The following FUT9 variants were observed in gnomAD, a reference collection of about 807,000 sequenced individuals.
FUT9 encodes fucosyltransferase 9.
A neutral mutation model predicts 29.7 loss-of-function variants in FUT9; 15 were observed. The observed-to-expected ratio is 0.51, with a 90% CI of 0.34 to 0.78. FUT9 has a LOEUF of 0.78. FUT9 is among the 30% of genes least tolerant of loss of function. The probability of loss-of-function intolerance (pLI) is 0.01; values close to 1 mark genes in which losing one functional copy is unlikely to be tolerated. For synonymous variants in FUT9, 169 were observed against 153.7 expected (o/e 1.10, Z -0.74); for missense variants, 319 against 425.4 (o/e 0.75, Z 2.20).
intron 2 of FUT9, among the ~76,000 whole-genome samples, chr6:96,148,597 T>C (rs141086869): frequency 6.6e-6 from 1 of 152,280 alleles, no homozygotes; most frequent in Non-Finnish European, 1.5e-5. Context: ...TTCCAAAGCC[T>C]GGAGTGGCCC....
intron 1 of FUT9, among the ~76,000 whole-genome samples, chr6:96,030,566 A>G (rs1208869996): frequency 6.6e-6 from 1 of 151,520 alleles, no homozygotes; most frequent in Non-Finnish European, 1.5e-5. Flanking sequence ...AAACTGTTTA[A>G]TAGTTCCTTA....
At chr6:96,043,084 C>G (rs1770492825) in intron 1 of FUT9, among the ~76,000 whole-genome samples, 1 of 152,160 alleles carries the variant, frequency 6.6e-6, no homozygotes, top group Non-Finnish European at 1.5e-5. Flanking sequence ...TTTGGTCTCA[C>G]TCTGTCGCCC....
At chr6:96,173,968 A>G (rs1773159282) in intron 2 of FUT9, among the ~76,000 whole-genome samples, 1 of 152,138 alleles carries the variant, frequency 6.6e-6, no homozygotes, top group South Asian at 2.1e-4. Flanking sequence ...GTTTTTATAA[A>G]AAGGAATGTG....
At chr6:96,079,121 T>G (rs1246070440) in intron 1 of FUT9, among the ~76,000 whole-genome samples, 2 of 152,180 alleles carry the variant, frequency 1.3e-5, no homozygotes, top group African/African-American at 2.4e-5. Context: ...CACCATGTTT[T>G]AATTTCTCTT....
chr6:96,084,954 T>C (rs2127951907), intron 1 of FUT9, among the ~76,000 whole-genome samples: 1 of 152,292 alleles, frequency 6.6e-6, no homozygotes, highest in South Asian at 2.1e-4. Flanking sequence ...TGTCATAAAG[T>C]ATTGTTTTGT....
chr6:96,123,049 A>T (rs1772060238), intron 2 of FUT9, among the ~76,000 whole-genome samples: 1 of 125,886 alleles, frequency 7.9e-6, no homozygotes, highest in Non-Finnish European at 1.6e-5. Flanking sequence ...GACAGCCGCG[A>T]GACTCAGTCT....
intron 2 of FUT9, among the ~76,000 whole-genome samples, chr6:96,200,596 A>G (rs1773710954): frequency 6.6e-6 from 1 of 152,186 alleles, no homozygotes; most frequent in South Asian, 2.1e-4. Flanking sequence ...ACCTGATTAT[A>G]TTGAACTGAC....
At chr6:96,108,851 A>T (rs1241404691) in intron 1 of FUT9, among the ~76,000 whole-genome samples, 1 of 152,152 alleles carries the variant, frequency 6.6e-6, no homozygotes, top group East Asian at 1.9e-4. Context: ...CACACAGTTC[A>T]TTTGTACACA....
chr6:96,082,581 T>A (rs1045701023), intron 1 of FUT9, among the ~76,000 whole-genome samples: 6 of 151,956 alleles, frequency 3.9e-5, no homozygotes, highest in Non-Finnish European at 8.8e-5. Flanking sequence ...TTTCTTCATC[T>A]GATACTTGAG....
chr6:96,073,264 T>C (rs1311029723), intron 1 of FUT9, among the ~76,000 whole-genome samples: 2 of 151,778 alleles, frequency 1.3e-5, no homozygotes, highest in Non-Finnish European at 2.9e-5. Flanking sequence ...GCCTGGTCAA[T>C]ATGGTGAAAC....
chr6:96,058,795 GT>G, intron 1 of FUT9, among the ~76,000 whole-genome samples: 1 of 152,232 alleles, frequency 6.6e-6, no homozygotes, highest in Middle Eastern at 3.4e-3. Flanking sequence ...TTGGTTTATA[GT>G]GATGATATTA....
intron 1 of FUT9, among the ~76,000 whole-genome samples, chr6:96,067,976 TC>T (rs1770992142): frequency 6.6e-6 from 1 of 152,192 alleles, no homozygotes; most frequent in South Asian, 2.1e-4. Context: ...AATGAATGTT[TC>T]TTTTTTATTA....
At chr6:96,130,095 G>A (rs545067456) in intron 2 of FUT9, among the ~76,000 whole-genome samples, 27 of 152,112 alleles carry the variant, frequency 1.8e-4, no homozygotes, top group African/African-American at 4.8e-4. Context: ...GAGGGGGTAC[G>A]AATCTCAGCA....
At chr6:96,119,138 G>A (rs373994059) in intron 2 of FUT9, among the ~76,000 whole-genome samples, 129 of 152,256 alleles carry the variant, frequency 8.5e-4, no homozygotes, top group African/African-American at 2.8e-3. Context: ...CTACCGTAGT[G>A]TACAGTAATG....
At chr6:96,120,448 A>T (rs1288156137) in intron 2 of FUT9, among the ~76,000 whole-genome samples, 2 of 146,716 alleles carry the variant, frequency 1.4e-5, no homozygotes, top group South Asian at 2.2e-4. Flanking sequence ...TTTTTTTTTA[A>T]TTTTTTTTTT....
At position 96,209,708 on chromosome 6, in the gene FUT9, ATTTAC is replaced by A. The variant is rs1773898842; in HGVS notation, c.*5478_*5482del. ...TAGTTAACATATGTCCATGCATTTG[ATTTAC>A]TTTAAAAATATTTTATTTAAAAATA... On this transcript the variant is annotated 3_prime_UTR_variant, in exon 3 of 3. Coordinates refer to ENST00000302103, the MANE Select transcript of FUT9 (RefSeq NM_006581.4). 6.0e-6 allele frequency: 1 copy of A among 166,716 alleles called. No individual in the cohort carries two copies. Among genetic ancestry groups the A allele is most frequent in the African/African-American group, 2.4e-5 (1 of 41,418 alleles). 10.3% of individuals were successfully genotyped at this position (166,716 alleles called of 1,614,324 possible). A position where few individuals can be genotyped will look rare whatever the true frequency, so the allele number is the denominator to read the frequency against.
intron 1 of FUT9, among the ~76,000 whole-genome samples, chr6:96,103,170 T>G (rs1249081439): frequency 6.6e-6 from 1 of 152,208 alleles, no homozygotes; most frequent in African/African-American, 2.4e-5. Context: ...GTGACAGCAT[T>G]ATTTAAGATG....
chr6:96,164,243 G>C (rs936325241), intron 2 of FUT9, among the ~76,000 whole-genome samples: 9 of 135,570 alleles, frequency 6.6e-5, no homozygotes, highest in Non-Finnish European at 1.1e-4. Flanking sequence ...CAGTTTTGGA[G>C]ATCCAGGTTC....
rs571007180 is a variant in FUT9 at position 96,059,523 on chromosome 6, A to T, written c.-98+43311A>T. Among the ~76,000 whole-genome samples, 2 of 152,328 alleles carry T rather than the reference A, an allele frequency of 1.3e-5. 1 individual carries two copies. Among genetic ancestry groups the T allele is most frequent in the South Asian group, 4.1e-4 (2 of 4,828 alleles). On this transcript the variant is annotated intron_variant, in intron 1 of 2. Transcript: ENST00000302103. ...CATAAGCATCTACAGAGGAGGAATA[A>T]CTGATATGTATGGTGGAGTTTGACA...
Sources: allele counts gnomAD v4.1 joint callset (sites outside exome capture counted in the v4.1 genomes callset), GRCh38; gene constraint gnomAD v4.1.1; transcripts MANE v1.5; gene names NCBI Gene and HGNC (gene_info 2026-07-23, HGNC 2026-07-21).